The following ITPKC variants were observed in gnomAD, a reference collection of about 807,000 sequenced individuals.
ITPKC encodes the protein inositol-trisphosphate 3-kinase C, also known as IP3 3-kinase C.
Under a neutral mutation model 67.1 loss-of-function variants are expected in ITPKC, and 33 were observed. The observed-to-expected ratio is 0.49, with a 90% CI of 0.37 to 0.66. ITPKC has a LOEUF of 0.66. Among genes scored for constraint, ITPKC ranks in the 30% least tolerant of loss-of-function variants. The pLI is 0.00. For synonymous variants in ITPKC, 341 were observed against 359.8 expected, an observed-to-expected ratio of 0.95 and a Z score of 0.59; for missense variants, 820 against 892.1, an observed-to-expected ratio of 0.92 and a Z score of 1.03.
chr19:40,737,093 T>C lies in ITPKC; in HGVS notation c.1776+6T>C. 6.5e-7 allele frequency: 1 copy of C among 1,535,816 alleles called. No homozygotes were observed. The highest frequency in any genetic ancestry group is 8.9e-7 in the Non-Finnish European group (1 of 1,125,624). On this transcript the variant is annotated splice_donor_region_variant and intron_variant, in intron 5 of 6. Transcript: ENST00000263370. ...ATGGAGACCACGTCATCCTGGTGAGTGGGACACCCATGTCCCAGAATGTAG... is the reference window on the plus strand; with the variant it reads ...ATGGAGACCACGTCATCCTGGTGAGCGGGACACCCATGTCCCAGAATGTAG...
chr19:40,731,599 T>G (rs1213624895), intron 3 of ITPKC, among the ~76,000 whole-genome samples: 1 of 131,896 alleles, frequency 7.6e-6, no homozygotes, highest in African/African-American at 2.8e-5. Context: ...TCCTTGGTTT[T>G]TTTTTTTTTT....
At position 40,717,519 on chromosome 19, in the gene ITPKC, G is replaced by A; in HGVS notation, c.384G>A (p.Trp128Ter). 6.2e-7 allele frequency: 1 copy of A among 1,614,128 alleles called. No individual in the cohort carries two copies. Among genetic ancestry groups the A allele is most frequent in the Non-Finnish European group, 8.5e-7 (1 of 1,180,000 alleles). The change falls in exon 1 of 7, where the codon TGG becomes TGA. Residue 128 changes from tryptophan (W) to a stop codon, truncating the protein, a stop_gained. Transcript: ENST00000263370. LOFTEE classifies it high-confidence loss of function. ...SSLRTHLEWS[W>*]SELETTCLWT... ...TCCGGACGCATCTAGAATGGAGCTG[G>A]TCAGAGCTGGAGACGACTTGTCTTT... is the stretch of plus-strand genomic sequence containing the variant.
chr19:40,738,641 G>C (rs896575827), intron 6 of ITPKC, among the ~76,000 whole-genome samples: 1 of 152,222 alleles, frequency 6.6e-6, no homozygotes, highest in Non-Finnish European at 1.5e-5. Flanking sequence ...GAGTCCAGGA[G>C]GTCAAGGCTG....
chr19:40,721,394 G>A (rs1425370397), intron 1 of ITPKC, among the ~76,000 whole-genome samples: 4 of 151,044 alleles, frequency 2.6e-5, no homozygotes, highest in South Asian at 4.2e-4. Flanking sequence ...CGTGCAGTGC[G>A]GAGTTTCACT....
At position 40,717,363 on chromosome 19, in the gene ITPKC, C is replaced by T; in HGVS notation, c.228C>T (p.Leu76=). 2 of 1,612,100 alleles carry T rather than the reference C, an allele frequency of 1.2e-6. No individual in the cohort carries two copies. Among genetic ancestry groups the T allele is most frequent in the South Asian group, 1.1e-5 (1 of 91,040 alleles). ...SLHSEPERAG[L]GPAPGTESPQ... ...ACAGCGAGCCTGAGAGGGCCGGCCT[C>T]GGGCCTGCGCCGGGGACAGAGAGTC... Residue 76 remains leucine (L), a synonymous_variant, in exon 1 of 7, where the codon CTC becomes CTT. Transcript: ENST00000263370.
intron 5 of ITPKC, 33 bp downstream of exon 5, chr19:40,737,120 A>T (rs1314792968): frequency 7.8e-7 from 1 of 1,285,782 alleles, no homozygotes; most frequent in Non-Finnish European, 1.1e-6. Flanking sequence ...AGAATGTAGC[A>T]GCTTAAGACA....
intron 1 of ITPKC, among the ~76,000 whole-genome samples, chr19:40,722,463 C>G (rs2082226830): frequency 6.6e-6 from 1 of 152,094 alleles, no homozygotes; most frequent in South Asian, 2.1e-4. Context: ...CTTCCCGAAC[C>G]CTGACTCCCT....
chr19:40,731,539 C>T lies in ITPKC; in HGVS notation c.1470-1621C>T, dbSNP rs150281174. ...TTCCATGCCCTCCCTGGGCGCACCA[C>T]GCTCCAGGAACCTCCACAGGGTCAG... On this transcript the variant is annotated intron_variant, in intron 3 of 6. Coordinates refer to ENST00000263370, the MANE Select transcript of ITPKC (RefSeq NM_025194.3). Among the ~76,000 whole-genome samples the T allele has an allele frequency of 9.6e-3, 1,451 of 151,410 alleles. 29 individuals are homozygous for T. The highest frequency in any genetic ancestry group is 0.034 in the African/African-American group (1,398 of 41,206).
chr19:40,729,235 T>G lies in ITPKC; in HGVS notation c.1289T>G (p.Leu430Arg). The change falls in exon 3 of 7, where the codon CTG (leucine) becomes CGG (arginine). Residue 430 changes from leucine to arginine, a missense_variant. This residue lies in a region of ITPKC where 339 missense variants were observed against 422.0 expected (regional missense o/e 0.80). Coordinates refer to ENST00000263370, the MANE Select transcript of ITPKC (RefSeq NM_025194.3). Reference sequence around the variant, plus strand: ...CAGGCAGGAGAGGATGGTCGGATTCTGAAACGTTTCTGTCAGTGTGAGCAG... The same window carrying G: ...CAGGCAGGAGAGGATGGTCGGATTCGGAAACGTTTCTGTCAGTGTGAGCAG... ...NFQAGEDGRI[L>R]KRFCQCEQRS... The G allele has an allele frequency of 6.2e-7, 1 of 1,614,158 alleles. No individual in the cohort carries two copies. Among genetic ancestry groups the G allele is most frequent in the Non-Finnish European group, 8.5e-7 (1 of 1,180,012 alleles).
rs1274646837 is a variant in ITPKC, at chr19:40,717,438, C to T, written c.303C>T (p.Gly101=). 2 of 1,613,854 alleles carry T rather than the reference C, an allele frequency of 1.2e-6. No homozygotes were observed. Among genetic ancestry groups the T allele is most frequent in the Non-Finnish European group, 1.7e-6 (2 of 1,179,976 alleles). The change falls in exon 1 of 7, where the codon GGC becomes GGT. Residue 101 remains glycine (G), a synonymous_variant. Transcript: ENST00000263370. ...GACAGACTGAGCCCGCGGCAGCTGGCCTTGGAGTAGAGACCGAGAGGCCCA... is the reference window on the plus strand; with the variant it reads ...GACAGACTGAGCCCGCGGCAGCTGGTCTTGGAGTAGAGACCGAGAGGCCCA... ...TDGQTEPAAA[G]LGVETERPKQ... is the part of the protein sequence containing the mutation.
At position 40,733,263 on chromosome 19, in the gene ITPKC, G is replaced by A. The variant is rs144541337; in HGVS notation, c.1573G>A (p.Glu525Lys). 12 of 1,614,054 alleles carry A rather than the reference G, an allele frequency of 7.4e-6. No homozygotes were observed. The highest frequency in any genetic ancestry group is 2.2e-5 in the East Asian group (1 of 44,900). ...VAVDPGAPTP[E>K]EHAQGAVTKP... ...TGTGGACCCTGGGGCCCCTACCCCTGAGGAGCATGCCCAGGGTGCAGTCAC... is the reference window on the plus strand; with the variant it reads ...TGTGGACCCTGGGGCCCCTACCCCTAAGGAGCATGCCCAGGGTGCAGTCAC... Residue 525 changes from glutamate to lysine, a missense_variant, in exon 4 of 7, where the codon GAG (glutamate) becomes AAG (lysine). Around this residue, in one of 2 missense-constraint regions of ITPKC, gnomAD observed 339 missense variants for 422.0 expected, o/e 0.80. Transcript: ENST00000263370.
rs1461534039 is a variant in ITPKC, at chr19:40,717,849, A to G, written c.714A>G (p.Glu238=). ...TDGSRTQQDI[E]GPWTEPYTDG... is the part of the protein sequence containing the mutation. ...GCTCCAGGACACAACAGGATATTGA[A>G]GGTCCCTGGACAGAGCCATATACTG... is the stretch of plus-strand genomic sequence containing the variant. Residue 238 remains glutamate, a synonymous_variant, in exon 1 of 7, where the codon GAA becomes GAG. Coordinates refer to ENST00000263370, the MANE Select transcript of ITPKC (RefSeq NM_025194.3). 1.2e-6 allele frequency: 2 copies of G among 1,614,060 alleles called. No individual in the cohort carries two copies. Among genetic ancestry groups the G allele is most frequent in the South Asian group, 1.1e-5 (1 of 91,078 alleles).
At position 40,736,975 on chromosome 19, in the gene ITPKC, C is replaced by G. The variant is rs1280581255; in HGVS notation, c.1675-11C>G. 2 of 1,560,368 alleles carry G rather than the reference C, an allele frequency of 1.3e-6. No homozygotes were observed. The highest frequency in any genetic ancestry group is 1.4e-5 in the African/African-American group (1 of 73,626). The stretch of plus-strand genomic sequence containing the variant: ...GCCCATGACCCTGCCCCTCCACACC[C>G]TGCCCTACAGAAGGCAGATGGGACC... On this transcript the variant is annotated splice_polypyrimidine_tract_variant and intron_variant, in intron 4 of 6. Transcript: ENST00000263370.
Position 40,737,063 on chromosome 19 carries a change from C to A in ITPKC, c.1752C>A (p.Phe584Leu). 3 of 1,584,038 alleles carry A rather than the reference C, an allele frequency of 1.9e-6. No individual in the cohort carries two copies. The highest frequency in any genetic ancestry group is 2.6e-6 in the Non-Finnish European group (3 of 1,162,974). ...AGGTGACAAAAGTGCTGGAGGACTT[C>A]GTGGATGGAGACCACGTCATCCTGG... ...LEQVTKVLED[F>L]VDGDHVILQK... The change falls in exon 5 of 7, where the codon TTC (phenylalanine) becomes TTA (leucine). Residue 584 changes from phenylalanine to leucine, a missense_variant. By Grantham distance (22) the Phe-to-Leu change is conservative (BLOSUM62 0). This residue lies in a region of ITPKC where 339 missense variants were observed against 422.0 expected (regional missense o/e 0.80). Transcript: ENST00000263370.
intron 4 of ITPKC, 47 bp from the exon 5 acceptor site, chr19:40,736,939 G>A (rs766601957): frequency 9.0e-6 from 12 of 1,328,792 alleles, no homozygotes; most frequent in Admixed American, 3.9e-5. Flanking sequence ...TATTGGGTGC[G>A]GGAAGGAAAA....
At chr19:40,730,026 C>T (rs2082263728) in intron 3 of ITPKC, among the ~76,000 whole-genome samples, 1 of 152,046 alleles carries the variant, frequency 6.6e-6, no homozygotes, top group African/African-American at 2.4e-5. Flanking sequence ...CTGCAATCTC[C>T]ACCTCCTGGG....
chr19:40,730,692 G>C (rs1049533371), intron 3 of ITPKC, among the ~76,000 whole-genome samples: 5 of 152,144 alleles, frequency 3.3e-5, no homozygotes, highest in African/African-American at 1.2e-4. Context: ...TGCCCCCTGA[G>C]TAGCTGGGAC....
chr19:40,725,341 G>A lies in ITPKC; in HGVS notation c.1157G>A (p.Ser386Asn), dbSNP rs2082241655. 2 of 1,611,958 alleles carry A rather than the reference G, an allele frequency of 1.2e-6. No individual in the cohort carries two copies. The highest frequency in any genetic ancestry group is 1.7e-6 in the Non-Finnish European group (2 of 1,177,998). Residue 386 changes from serine to asparagine, a missense_variant and splice_region_variant, in exon 2 of 7, where the codon AGC becomes AAC. Ser to Asn is a conservative substitution (Grantham distance 46). Coordinates refer to ENST00000263370, the MANE Select transcript of ITPKC (RefSeq NM_025194.3). ...CCCACCCTGCTCTGCTCCCTACAGAGCAAACCCTGGAAGAAGCTGAAGACA... is the reference window on the plus strand; with the variant it reads ...CCCACCCTGCTCTGCTCCCTACAGAACAAACCCTGGAAGAAGCTGAAGACA... Reference protein sequence around the residue: ...GASDPEDRSGSKPWKKLKTVL... With the variant: ...GASDPEDRSGNKPWKKLKTVL...
chr19:40,726,306 G>C (rs114760337), intron 2 of ITPKC, among the ~76,000 whole-genome samples: 1 of 151,814 alleles, frequency 6.6e-6, no homozygotes, highest in Non-Finnish European at 1.5e-5. Context: ...TGCCTTCTCC[G>C]CGTGTTCAGA....
Sources: allele counts gnomAD v4.1 joint callset (sites outside exome capture counted in the v4.1 genomes callset), GRCh38; gene constraint gnomAD v4.1.1; regional missense constraint gnomAD v4.1.1; transcripts MANE v1.5; gene names NCBI Gene and HGNC (gene_info 2026-07-23, HGNC 2026-07-21).